Variants in ATP6V0A4 observed in about 807,000 individuals in gnomAD.
ATP6V0A4 encodes ATPase H+ transporting V0 subunit a4, also known as V-type proton ATPase 116 kDa subunit a 4.
ATP6V0A4 carries 86 observed loss-of-function variants against 107.3 expected under a neutral mutation model. That is an observed-to-expected ratio of 0.80 (90% CI 0.67 to 0.96). ATP6V0A4 has a LOEUF of 0.96. ATP6V0A4 is among the 40% of genes least tolerant of loss of function. The pLI, the probability that ATP6V0A4 is intolerant of heterozygous loss-of-function variation, is 0.00. For synonymous variants in ATP6V0A4, 353 were observed against 381.4 expected (o/e 0.93, Z 0.87); for missense variants, 908 against 1,045.6 (o/e 0.87, Z 1.81).
chr7:138,798,002 T>C (rs898821880), intron 1 of ATP6V0A4, 32 bp downstream of exon 1: 2 of 1,548,726 alleles, frequency 1.3e-6, no homozygotes, highest in South Asian at 2.4e-5. Context: ...GCAGAGTTGC[T>C]TTCCAGCTCC....
At position 138,723,390 on chromosome 7, in the gene ATP6V0A4, C is replaced by G. The variant is rs146653879; in HGVS notation, c.2011-1365G>C. On this transcript the variant is annotated intron_variant, in intron 18 of 21. Coordinates refer to ENST00000310018, the MANE Select transcript of ATP6V0A4 (RefSeq NM_020632.3). ...CATTCAACTTGGTCTGGTTTTACCC[C>G]TAAGTGTGAATGGTATATTTCTTTC... 7.5e-3 allele frequency among the ~76,000 whole-genome samples: 1,138 copies of G among 152,244 alleles called. 15 individuals carry two copies. The highest frequency in any genetic ancestry group is 0.026 in the African/African-American group (1,085 of 41,532).
intron 19 of ATP6V0A4, among the ~76,000 whole-genome samples, chr7:138,716,574 TTGG>T (rs1804047725): frequency 2.1e-4 from 20 of 94,852 alleles, no homozygotes; most frequent in Admixed American, 2.6e-4. Flanking sequence ...CAATTTTTTT[TTGG>T]GGGGGGGGGA....
At chr7:138,715,224 C>T (rs6955765) in intron 20 of ATP6V0A4, among the ~76,000 whole-genome samples, 21,058 of 152,148 alleles carry the variant, frequency 0.14, 1,547 homozygotes, top group African/African-American at 0.2. Flanking sequence ...TTGTTTGAGA[C>T]GGAGTCTCAC....
At chr7:138,768,206 A>T (rs1210152300) in intron 5 of ATP6V0A4, among the ~76,000 whole-genome samples, 1 of 152,152 alleles carries the variant, frequency 6.6e-6, no homozygotes, top group Non-Finnish European at 1.5e-5. Flanking sequence ...TGGTGGGATT[A>T]CAGGGGTGAG....
At chr7:138,754,921 C>A (rs895463180) in intron 10 of ATP6V0A4, among the ~76,000 whole-genome samples, 1 of 152,148 alleles carries the variant, frequency 6.6e-6, no homozygotes, top group Non-Finnish European at 1.5e-5. Context: ...AGCCACCGCA[C>A]CCAGCCCTAA....
intron 18 of ATP6V0A4, among the ~76,000 whole-genome samples, chr7:138,726,668 C>T (rs1297649463): frequency 1.3e-5 from 2 of 152,156 alleles, no homozygotes; most frequent in African/African-American, 2.4e-5. Context: ...CATTATAGGA[C>T]CATCTCTTGA....
chr7:138,762,441 G>A lies in ATP6V0A4; in HGVS notation c.418-7C>T. ...CAGCTAAATTGGTTTCCGTCTGAAAGTCAAAGCACTATGATTTTCATTTAA... is the reference window on the plus strand; with the variant it reads ...CAGCTAAATTGGTTTCCGTCTGAAAATCAAAGCACTATGATTTTCATTTAA... On this transcript the variant is annotated splice_polypyrimidine_tract_variant and splice_region_variant and intron_variant, in intron 6 of 21. Transcript: ENST00000310018. 6.2e-7 allele frequency: 1 copy of A among 1,613,990 alleles called. No individual in the cohort carries two copies. Among genetic ancestry groups the A allele is most frequent in the Non-Finnish European group, 8.5e-7 (1 of 1,179,962 alleles).
At chr7:138,786,518 G>A (rs372463516) in intron 1 of ATP6V0A4, among the ~76,000 whole-genome samples, 3 of 151,964 alleles carry the variant, frequency 2.0e-5, no homozygotes, top group African/African-American at 7.2e-5. Flanking sequence ...GGTCGACGCT[G>A]CAGTGAACGA....
Position 138,755,583 on chromosome 7 carries a change from A to C in ATP6V0A4, c.816+106T>G, listed in dbSNP as rs1408502438. On this transcript the variant is annotated intron_variant, in intron 10 of 21. Transcript: ENST00000310018. ...ACCAGAAAGGCATAGCCAGCATTCCAGCCAGCCTCCCAGCAAGGGCCCTGG... is the reference window on the plus strand; with the variant it reads ...ACCAGAAAGGCATAGCCAGCATTCCCGCCAGCCTCCCAGCAAGGGCCCTGG... The C allele has an allele frequency of 2.0e-6, 3 of 1,490,412 alleles. No homozygotes were observed. The South Asian group carries it at 3.5e-5, about 17-fold the overall frequency. The allele number at this position is 1,490,412 out of a possible 1,614,324, so 92.3% of individuals were successfully genotyped here. A position where few individuals can be genotyped will look rare whatever the true frequency, so the allele number is the denominator to read the frequency against.
chr7:138,734,199 A>G lies in ATP6V0A4; in HGVS notation c.1628T>C (p.Met543Thr). 1.9e-6 allele frequency: 3 copies of G among 1,613,884 alleles called. No homozygotes were observed. The highest frequency in any genetic ancestry group is 2.5e-6 in the Non-Finnish European group (3 of 1,179,796). ...CTGGACAATTCCCAGGATCACCGACATCTTCATTTTATACGAGTTCAGAAA... is the reference window on the plus strand; with the variant it reads ...CTGGACAATTCCCAGGATCACCGACGTCTTCATTTTATACGAGTTCAGAAA... The part of the protein sequence containing the change: ...LTFLNSYKMK[M>T]SVILGIVQMV... The change falls in exon 16 of 22, where the codon ATG becomes ACG. Residue 543 changes from methionine to threonine, a missense_variant. By Grantham distance (81) the Met-to-Thr change is moderately conservative. Transcript: ENST00000310018.
chr7:138,723,055 C>A (rs80196233), intron 18 of ATP6V0A4, among the ~76,000 whole-genome samples: 757 of 122,050 alleles, frequency 6.2e-3, no homozygotes, highest in Middle Eastern at 0.017. Context: ...GAGACTGTCT[C>A]AAAAAAAAAA....
intron 20 of ATP6V0A4, among the ~76,000 whole-genome samples, chr7:138,714,852 C>T (rs1803951127): frequency 1.3e-5 from 2 of 152,234 alleles, no homozygotes; most frequent in African/African-American, 4.8e-5. Context: ...TGTCAACATA[C>T]TATATTACAT....
chr7:138,718,084 C>T (rs1333970530), intron 19 of ATP6V0A4, among the ~76,000 whole-genome samples: 2 of 102,680 alleles, frequency 1.9e-5, no homozygotes, highest in African/African-American at 8.0e-5. Context: ...AGGGAGACGT[C>T]CAGGAAGGAA....
Position 138,743,664 on chromosome 7 carries a change from C to T in ATP6V0A4, c.1478+1459G>A, listed in dbSNP as rs183008792. On this transcript the variant is annotated intron_variant, in intron 14 of 21. Coordinates refer to ENST00000310018, the MANE Select transcript of ATP6V0A4 (RefSeq NM_020632.3). ...GGAAAAGAGATTGTGAACATGTTTA[C>T]CTAGCTCAGTCTTCACTTTGGTCCT... Among the ~76,000 whole-genome samples the T allele has an allele frequency of 3.3e-3, 501 of 152,198 alleles. 3 individuals carry two copies. Among genetic ancestry groups the T allele is most frequent in the African/African-American group, 0.011 (477 of 41,528 alleles).
At chr7:138,777,786 T>C (rs745999008) in intron 2 of ATP6V0A4, among the ~76,000 whole-genome samples, 7 of 152,156 alleles carry the variant, frequency 4.6e-5, no homozygotes, top group South Asian at 2.1e-4. Flanking sequence ...CTGTGAAAGC[T>C]GGACAGAAGA....
Position 138,759,759 on chromosome 7 carries a change from G to A in ATP6V0A4, c.632C>T (p.Pro211Leu). 1 of 1,614,118 alleles carries A rather than the reference G, an allele frequency of 6.2e-7. No homozygotes were observed. The highest frequency in any genetic ancestry group is 8.5e-7 in the Non-Finnish European group (1 of 1,180,026). Reference sequence around the variant, plus strand: ...GCAGCCCAAGGTTCCCACCGTCACAGGATCCTCCAGAGGGGCGTCCATCTC... The same window carrying A: ...GCAGCCCAAGGTTCCCACCGTCACAAGATCCTCCAGAGGGGCGTCCATCTC... ...FSEMDAPLED[P>L]VTKEEIQKNI... Residue 211 changes from proline to leucine, a missense_variant, in exon 8 of 22, where the codon CCT becomes CTT. Coordinates refer to ENST00000310018, the MANE Select transcript of ATP6V0A4 (RefSeq NM_020632.3).
At chr7:138,746,507 A>T (rs942981658) in intron 13 of ATP6V0A4, among the ~76,000 whole-genome samples, 16 of 145,208 alleles carry the variant, frequency 1.1e-4, no homozygotes, top group African/African-American at 2.3e-4. Flanking sequence ...CATTGCAGAT[A>T]TTTTTTTTTT....
In ATP6V0A4 at chr7:138,728,840, A is replaced by G. The variant is rs1005804290; in HGVS notation, c.1931T>C (p.Val644Ala). ...CGGCACAGAAATCAAAGCCATAACC[A>G]CAAAGAAACTTTGGACTTCTTGCTG... Reference protein sequence around the residue: ...KHQQEVQSFFVVMALISVPWM... With the variant: ...KHQQEVQSFFAVMALISVPWM... Residue 644 changes from valine to alanine, a missense_variant, in exon 18 of 22, where the codon GTG becomes GCG. By Grantham distance (64) the Val-to-Ala change is moderately conservative. Transcript: ENST00000310018. 6 of 1,614,070 alleles carry G rather than the reference A, an allele frequency of 3.7e-6. No individual in the cohort carries two copies. The African/African-American group carries it at 8.0e-5, about 22-fold the overall frequency.
Position 138,722,006 on chromosome 7 carries a change from T to C in ATP6V0A4, c.2030A>G (p.Gln677Arg), listed in dbSNP as rs2117212437. Residue 677 changes from glutamine to arginine, a missense_variant, in exon 19 of 22, where the codon CAA (glutamine) becomes CGA (arginine). By Grantham distance (43) the Gln-to-Arg change is conservative. Transcript: ENST00000310018. ...RKSQLQASRIQEDATENIEGD... is the reference protein window; with the variant it reads ...RKSQLQASRIREDATENIEGD... The stretch of plus-strand genomic sequence containing the variant: ...TTCAATGTTCTCAGTGGCATCTTCT[T>C]GGATCCTGGATGCCTGCAGCTGACA... The C allele has an allele frequency of 6.2e-7, 1 of 1,614,138 alleles. No homozygotes were observed. Among genetic ancestry groups the C allele is most frequent in the East Asian group, 2.2e-5 (1 of 44,872 alleles).
Sources: gnomAD v4.1 joint callset for allele counts (sites outside exome capture counted in the v4.1 genomes callset) on GRCh38, gnomAD v4.1.1 for gene constraint, MANE v1.5 for transcripts, NCBI Gene and HGNC (gene_info 2026-07-23, HGNC 2026-07-21) for gene names.